ABCC4: variants seen among roughly 807,000 people sequenced by gnomAD.
ABCC4 encodes the protein ATP-binding cassette sub-family C member 4.
In ABCC4, 102 loss-of-function variants were observed where a neutral mutation model predicts 168.5. That is an observed-to-expected ratio of 0.61 (90% CI 0.52 to 0.71). The LOEUF is 0.71. ABCC4 is among the 30% of genes least tolerant of loss of function. The pLI is 0.00. For missense variants in ABCC4, 1,402 were observed against 1,605.8 expected, an observed-to-expected ratio of 0.87 and a Z score of 2.17; for synonymous variants, 617 against 590.7, an observed-to-expected ratio of 1.04 and a Z score of -0.65.
At chr13:95,129,988 T>G (rs1309311017) in intron 19 of ABCC4, among the ~76,000 whole-genome samples, 1 of 150,856 alleles carries the variant, frequency 6.6e-6, no homozygotes, top group Non-Finnish European at 1.5e-5. Flanking sequence ...GGCAGAAGAA[T>G]CGCTTGAACC....
intron 20 of ABCC4, among the ~76,000 whole-genome samples, chr13:95,084,341 T>C (rs1371841415): frequency 1.3e-5 from 2 of 152,162 alleles, no homozygotes; most frequent in Admixed American, 6.6e-5. Flanking sequence ...TTTTAGCTTG[T>C]CCCCAGCATA....
At chr13:95,123,915 G>A (rs1449244954) in intron 19 of ABCC4, among the ~76,000 whole-genome samples, 1 of 152,192 alleles carries the variant, frequency 6.6e-6, no homozygotes, top group Non-Finnish European at 1.5e-5. Flanking sequence ...AAAGAGGGAA[G>A]AGAATGTATT....
intron 13 of ABCC4, 31 bp from the exon 14 acceptor site, chr13:95,170,659 A>G: frequency 7.4e-7 from 1 of 1,350,384 alleles, no homozygotes; most frequent in Non-Finnish European, 1.0e-6. Flanking sequence ...GGGTGAAAAA[A>G]TGCATGAATG....
intron 19 of ABCC4, among the ~76,000 whole-genome samples, chr13:95,135,490 G>A (rs2036117702): frequency 6.7e-6 from 1 of 148,330 alleles, no homozygotes; most frequent in African/African-American, 2.5e-5. Flanking sequence ...ACAGCTCACT[G>A]TAGCCTTGAC....
intron 1 of ABCC4, among the ~76,000 whole-genome samples, chr13:95,283,142 G>C (rs1594438804): frequency 6.6e-6 from 1 of 151,566 alleles, no homozygotes; most frequent in Middle Eastern, 3.4e-3. Context: ...CTTGAACCTG[G>C]GAGGCGGAGG....
At chr13:95,236,225 C>T (rs935253869) in intron 3 of ABCC4, among the ~76,000 whole-genome samples, 3 of 152,292 alleles carry the variant, frequency 2.0e-5, no homozygotes, top group African/African-American at 4.8e-5. Flanking sequence ...ACACTCATTG[C>T]AAATCCAGGT....
At chr13:95,203,651 C>T (rs944706702) in intron 8 of ABCC4, among the ~76,000 whole-genome samples, 2 of 152,092 alleles carry the variant, frequency 1.3e-5, no homozygotes, top group South Asian at 2.1e-4. Flanking sequence ...AGCCACCGCG[C>T]CTGGCCAGGA....
intron 4 of ABCC4, among the ~76,000 whole-genome samples, chr13:95,227,710 T>C (rs1055395215): frequency 6.6e-6 from 1 of 152,162 alleles, no homozygotes. Flanking sequence ...GTTGAATATA[T>C]GTAATTTCTT....
At chr13:95,058,567 CAAAAAAAA>C (rs1165324016) in intron 26 of ABCC4, among the ~76,000 whole-genome samples, 1,692 of 62,682 alleles carry the variant, frequency 0.027, 65 homozygotes, top group African/African-American at 0.091. Flanking sequence ...GACTCCATCT[CAAAAAAAA>C]AAAAAAAAAA....
chr13:95,272,106 A>G (rs896105049), intron 1 of ABCC4, among the ~76,000 whole-genome samples: 2 of 151,304 alleles, frequency 1.3e-5, no homozygotes, highest in Admixed American at 1.3e-4. Flanking sequence ...GTGCAATGGC[A>G]CGATCTCGGC....
chr13:95,265,951 C>T (rs572704981), intron 1 of ABCC4: 1 of 152,076 alleles, frequency 6.6e-6, no homozygotes, highest in Non-Finnish European at 1.5e-5. Flanking sequence ...ATCTGTCCCC[C>T]CCAGTCGCCA....
intron 30 of ABCC4, among the ~76,000 whole-genome samples, chr13:95,030,290 G>C (rs1169976166): frequency 6.6e-6 from 1 of 152,018 alleles, no homozygotes; most frequent in African/African-American, 2.4e-5. Flanking sequence ...TAAAGTGCTG[G>C]GATTACAGGT....
intron 29 of ABCC4, among the ~76,000 whole-genome samples, chr13:95,038,374 C>CAAAAA (rs74617293): frequency 1.8e-4 from 18 of 97,470 alleles, no homozygotes; most frequent in African/African-American, 3.3e-4. Context: ...AGCCCATACT[C>CAAAAA]AAAAAAAAAA....
At chr13:95,269,803 A>G (rs1048886661) in intron 1 of ABCC4, among the ~76,000 whole-genome samples, 1 of 152,248 alleles carries the variant, frequency 6.6e-6, no homozygotes, top group African/African-American at 2.4e-5. Context: ...TGAAAATTAC[A>G]TAACAAATGC....
At chr13:95,212,328 T>C (rs2038984893) in intron 4 of ABCC4, among the ~76,000 whole-genome samples, 2 of 152,190 alleles carry the variant, frequency 1.3e-5, no homozygotes, top group Admixed American at 6.5e-5. Flanking sequence ...ATGTGCCTTA[T>C]TGACTACAAA....
intron 8 of ABCC4, among the ~76,000 whole-genome samples, chr13:95,197,434 T>C (rs1040498916): frequency 6.6e-6 from 1 of 152,220 alleles, no homozygotes; most frequent in African/African-American, 2.4e-5. Context: ...ACAGTAAACC[T>C]ATTGAGCACT....
chr13:95,043,535 A>C (rs2032449449), intron 29 of ABCC4, 147 bp downstream of exon 29: 2 of 565,872 alleles, frequency 3.5e-6, no homozygotes, highest in African/African-American at 1.9e-5. Context: ...GGGTGTAGTT[A>C]AGCATATGAA....
chr13:95,201,568 G>A (rs1433370189), intron 8 of ABCC4, among the ~76,000 whole-genome samples: 2 of 152,212 alleles, frequency 1.3e-5, no homozygotes, highest in African/African-American at 2.4e-5. Context: ...CCTTTTGTAA[G>A]TTTAGAGTTT....
intron 8 of ABCC4, among the ~76,000 whole-genome samples, chr13:95,202,461 A>G (rs373351309): frequency 2.6e-5 from 4 of 152,124 alleles, no homozygotes; most frequent in African/African-American, 9.7e-5. Context: ...CACTAAGTCC[A>G]ATCCCCTTAT....
Sources: allele counts gnomAD v4.1 joint callset (sites outside exome capture counted in the v4.1 genomes callset), GRCh38; gene constraint gnomAD v4.1.1; transcripts MANE v1.5; gene names NCBI Gene and HGNC (gene_info 2026-07-23, HGNC 2026-07-21).